DCLK1: variants seen among roughly 807,000 people sequenced by gnomAD.
DCLK1 encodes the protein doublecortin like kinase 1, also known as serine/threonine-protein kinase DCLK1.
DCLK1 carries 16 observed loss-of-function variants against 86.2 expected under a neutral mutation model. The ratio of observed to expected loss-of-function variants is 0.19; its 90% CI spans 0.13 to 0.28. DCLK1 has a LOEUF of 0.28. Ranked by LOEUF, DCLK1 falls within the 10% of genes least tolerant of loss-of-function variation. DCLK1 has a pLI of 1.00. For missense variants in DCLK1, 590 were observed against 940.2 expected (o/e 0.63, Z 4.87); for synonymous variants, 369 against 370.5 (o/e 1.00, Z 0.05).
intron 11 of DCLK1, among the ~76,000 whole-genome samples, chr13:35,818,190 C>T (rs2087312374): frequency 1.3e-5 from 2 of 152,088 alleles, no homozygotes; most frequent in African/African-American, 4.8e-5. Context: ...ACCTCTAGAC[C>T]CATTCTCTCT....
At chr13:35,983,990 A>G (rs958114140) in intron 3 of DCLK1, among the ~76,000 whole-genome samples, 1 of 152,140 alleles carries the variant, frequency 6.6e-6, no homozygotes, top group African/African-American at 2.4e-5. Flanking sequence ...AAACTGCTCA[A>G]CCACTTTGAG....
At position 35,872,462 on chromosome 13, in the gene DCLK1, G is replaced by A. The variant is rs535657914; in HGVS notation, c.824-1122C>T. 1.5e-4 allele frequency among the ~76,000 whole-genome samples: 23 copies of A among 152,202 alleles called. No homozygotes were observed. The South Asian group carries it at 1.9e-3, about 12-fold the overall frequency. On this transcript the variant is annotated intron_variant, in intron 4 of 16. Transcript: ENST00000360631. Reference sequence around the variant, plus strand: ...ATGGAATACCATAATTTACTTAACCGAATTCCAACTATTGAATATCTAACT... The same window carrying A: ...ATGGAATACCATAATTTACTTAACCAAATTCCAACTATTGAATATCTAACT...
intron 3 of DCLK1, among the ~76,000 whole-genome samples, chr13:35,948,777 T>C (rs760582004): frequency 1.3e-5 from 2 of 152,180 alleles, no homozygotes; most frequent in Admixed American, 1.3e-4. Context: ...AGTCTGCCCA[T>C]GAAAGCTTAA....
chr13:35,868,942 C>A (rs553561266), intron 5 of DCLK1, among the ~76,000 whole-genome samples: 1 of 152,240 alleles, frequency 6.6e-6, no homozygotes, highest in African/African-American at 2.4e-5. Flanking sequence ...AGGCACCCAC[C>A]ACCATGCCTG....
chr13:36,083,636 G>A lies in DCLK1; in HGVS notation c.723+28233C>T, dbSNP rs889282306. On this transcript the variant is annotated intron_variant, in intron 3 of 16. Coordinates refer to ENST00000360631, the MANE Select transcript of DCLK1 (RefSeq NM_001330071.2). ...ATTCACATTCCAGCTGATCCATATCGCCAAATAACAAATAAATCATCCAAG... is the reference window on the plus strand; with the variant it reads ...ATTCACATTCCAGCTGATCCATATCACCAAATAACAAATAAATCATCCAAG... 4.6e-5 allele frequency among the ~76,000 whole-genome samples: 7 copies of A among 152,050 alleles called. No homozygotes were observed. In the South Asian group the frequency reaches 1.0e-3, roughly 23 times the overall value.
At chr13:36,091,228 T>G (rs935206889) in intron 3 of DCLK1, among the ~76,000 whole-genome samples, 3 of 152,190 alleles carry the variant, frequency 2.0e-5, no homozygotes, top group African/African-American at 7.2e-5. Flanking sequence ...TTGTTGCAAT[T>G]GCTTTTGGTG....
chr13:36,070,643 A>AT (rs1883939688), intron 3 of DCLK1, among the ~76,000 whole-genome samples: 3 of 81,674 alleles, frequency 3.7e-5, no homozygotes, highest in African/African-American at 5.3e-5. Flanking sequence ...TTTTTAACTT[A>AT]ATTTTTTTTC....
chr13:35,938,668 T>C (rs181784821), intron 4 of DCLK1, among the ~76,000 whole-genome samples: 2 of 151,880 alleles, frequency 1.3e-5, no homozygotes, highest in East Asian at 3.9e-4. Context: ...ATTGGCCTTT[T>C]TCTAAATTTA....
At chr13:36,100,389 A>G (rs921112329) in intron 3 of DCLK1, among the ~76,000 whole-genome samples, 3 of 151,912 alleles carry the variant, frequency 2.0e-5, no homozygotes, top group African/African-American at 7.3e-5. Context: ...AAACAAACAA[A>G]CAAAAATGAT....
chr13:35,931,674 T>A (rs928836706), intron 4 of DCLK1, among the ~76,000 whole-genome samples: 1 of 152,070 alleles, frequency 6.6e-6, no homozygotes, highest in African/African-American at 2.4e-5. Flanking sequence ...GATAGTGGGG[T>A]AGTCTTAAAA....
rs9593686 is a variant in DCLK1, at chr13:36,027,635, T to G, written c.724-80178A>C. On this transcript the variant is annotated intron_variant, in intron 3 of 16. Coordinates refer to ENST00000360631, the MANE Select transcript of DCLK1 (RefSeq NM_001330071.2). ...TGGGGTGCATACAGAAGAGATGAGT[T>G]AAGTATTTAAGGTGCCATGAATTTC... Among the ~76,000 whole-genome samples, 399 of 152,298 alleles carry G rather than the reference T, an allele frequency of 2.6e-3. 1 individual carries two copies. Among genetic ancestry groups the G allele is most frequent in the African/African-American group, 9.0e-3 (374 of 41,558 alleles).
chr13:36,098,554 T>C (rs1239373480), intron 3 of DCLK1, among the ~76,000 whole-genome samples: 1 of 152,186 alleles, frequency 6.6e-6, no homozygotes, highest in Non-Finnish European at 1.5e-5. Flanking sequence ...GCTTCACTTT[T>C]GTCTTCAAAA....
intron 3 of DCLK1, among the ~76,000 whole-genome samples, chr13:36,074,622 GA>G (rs1884116750): frequency 6.6e-6 from 1 of 151,668 alleles, no homozygotes; most frequent in African/African-American, 2.4e-5. Flanking sequence ...TAGAGTTGAG[GA>G]CAAAGATGCT....
At chr13:35,898,470 T>C (rs1874136250) in intron 4 of DCLK1, among the ~76,000 whole-genome samples, 1 of 152,252 alleles carries the variant, frequency 6.6e-6, no homozygotes, top group Non-Finnish European at 1.5e-5. Context: ...ACATTTCTTA[T>C]ACTATAAAGA....
At chr13:35,869,826 A>G (rs565705217) in intron 5 of DCLK1, among the ~76,000 whole-genome samples, 17 of 152,192 alleles carry the variant, frequency 1.1e-4, no homozygotes, top group African/African-American at 4.1e-4. Context: ...GCCCTCACCT[A>G]CTGTTTCTCA....
At chr13:35,914,335 ATATATATATATATACATATATAT>A (rs1566600185) in intron 4 of DCLK1, among the ~76,000 whole-genome samples, 56 of 2,162 alleles carry the variant, frequency 0.026, 1 homozygote, top group African/African-American at 0.099. Flanking sequence ...AAAAAAAAAT[ATATATATATATATACATATATAT>A]ATATATATAT....
At chr13:35,943,083 T>G (rs1047272939) in intron 4 of DCLK1, among the ~76,000 whole-genome samples, 1 of 152,180 alleles carries the variant, frequency 6.6e-6, no homozygotes, top group Admixed American at 6.5e-5. Context: ...GATAGAGTCT[T>G]TGTAGATGTC....
chr13:36,111,619 T>C (rs1672964460), intron 3 of DCLK1, among the ~76,000 whole-genome samples: 1 of 152,164 alleles, frequency 6.6e-6, no homozygotes, highest in African/African-American at 2.4e-5. Flanking sequence ...AAATAATAAA[T>C]GAACAAGTAG....
intron 4 of DCLK1, among the ~76,000 whole-genome samples, chr13:35,916,351 A>T (rs1392910871): frequency 6.6e-6 from 1 of 152,194 alleles, no homozygotes; most frequent in East Asian, 1.9e-4. Flanking sequence ...AAAGTGGATT[A>T]GCACCATCTG....
Sources: allele counts gnomAD v4.1 joint callset (sites outside exome capture counted in the v4.1 genomes callset), GRCh38; gene constraint gnomAD v4.1.1; transcripts MANE v1.5; gene names NCBI Gene and HGNC (gene_info 2026-07-23, HGNC 2026-07-21).